Variants in SERPINB8 observed in about 807,000 individuals in gnomAD.
SERPINB8 encodes the protein serpin family B member 8.
SERPINB8 carries 25 observed loss-of-function variants against 35.3 expected under a neutral mutation model. The observed-to-expected ratio is 0.71, with a 90% CI of 0.52 to 0.99. SERPINB8 has a LOEUF of 0.99. SERPINB8 is among the 50% of genes least tolerant of loss of function. The pLI is 0.00. For missense variants in SERPINB8, 484 were observed against 446.5 expected, an observed-to-expected ratio of 1.08 and a Z score of -0.76; for synonymous variants, 186 against 160.8, an observed-to-expected ratio of 1.16 and a Z score of -1.19.
intron 4 of SERPINB8, 105 bp from the exon 5 acceptor site, chr18:63,983,474 C>T: frequency 3.7e-6 from 4 of 1,070,872 alleles, no homozygotes; most frequent in Non-Finnish European, 5.6e-6. Flanking sequence ...AGACAGAACT[C>T]CAGCCTGTCT....
intron 7 of SERPINB8, among the ~76,000 whole-genome samples, chr18:64,017,650 A>G (rs1568085078): frequency 6.6e-6 from 1 of 152,162 alleles, no homozygotes; most frequent in Non-Finnish European, 1.5e-5. Context: ...GAGATAATGG[A>G]CCCCAAATCA....
intron 1 of SERPINB8, among the ~76,000 whole-genome samples, chr18:63,994,646 G>T (rs1217905104): frequency 6.6e-6 from 1 of 152,154 alleles, no homozygotes; most frequent in Non-Finnish European, 1.5e-5. Flanking sequence ...GATCTGGCAG[G>T]TTTGGTACAC....
intron 5 of SERPINB8, among the ~76,000 whole-genome samples, chr18:63,984,371 A>G (rs942937232): frequency 1.3e-5 from 2 of 152,150 alleles, no homozygotes; most frequent in African/African-American, 2.4e-5. Flanking sequence ...CCTTTTTGCA[A>G]TATCAGTGGC....
At chr18:63,993,755 G>A (rs1191806614), downstream of SERPINB8, among the ~76,000 whole-genome samples, 1 of 152,210 alleles carries the variant, frequency 6.6e-6, no homozygotes, top group Non-Finnish European at 1.5e-5. Flanking sequence ...GCTGCATGGG[G>A]GAGGTGGGGG....
intron 1 of SERPINB8, among the ~76,000 whole-genome samples, chr18:63,999,253 C>A (rs1281055892): frequency 6.6e-6 from 1 of 152,174 alleles, no homozygotes; most frequent in Non-Finnish European, 1.5e-5. Flanking sequence ...GCCACTCACT[C>A]CTTGACCCCA....
chr18:63,979,490 C>A (rs183051905), intron 2 of SERPINB8, among the ~76,000 whole-genome samples: 6 of 152,150 alleles, frequency 3.9e-5, no homozygotes, highest in Admixed American at 3.9e-4. Flanking sequence ...GTGAATTTTT[C>A]CTTCCTGGGG....
chr18:64,002,672 C>A (rs2050881222), intron 1 of SERPINB8, among the ~76,000 whole-genome samples: 1 of 151,976 alleles, frequency 6.6e-6, no homozygotes, highest in African/African-American at 2.4e-5. Flanking sequence ...GCTCTTCCCG[C>A]GGCGGGGTGA....
intron 7 of SERPINB8, among the ~76,000 whole-genome samples, chr18:64,011,672 T>C (rs143470654): frequency 2.2e-4 from 34 of 152,278 alleles, no homozygotes; most frequent in African/African-American, 6.0e-4. Flanking sequence ...GTATTGTTAT[T>C]TGAAGTCGAA....
At chr18:64,010,049 A>T (rs765517260), downstream of SERPINB8, among the ~76,000 whole-genome samples, 6 of 152,154 alleles carry the variant, frequency 3.9e-5, no homozygotes, top group Non-Finnish European at 7.4e-5. Context: ...AAAGATAATT[A>T]TCTTAAATAT....
chr18:63,978,624 G>A, intron 2 of SERPINB8, 148 bp downstream of exon 2: 1 of 789,410 alleles, frequency 1.3e-6, no homozygotes, highest in Non-Finnish European at 2.0e-6. Context: ...AGCAGAAAGG[G>A]GTAGAAAGGT....
chr18:63,997,199 A>T (rs2050854051), intron 1 of SERPINB8, among the ~76,000 whole-genome samples: 1 of 152,246 alleles, frequency 6.6e-6, no homozygotes, highest in Non-Finnish European at 1.5e-5. Flanking sequence ...TTGTCCTGTT[A>T]TTGGGCCTAG....
intron 1 of SERPINB8, among the ~76,000 whole-genome samples, chr18:63,975,922 T>C (rs2050574776): frequency 6.6e-6 from 1 of 152,146 alleles, no homozygotes; most frequent in Admixed American, 6.5e-5. Context: ...AGACCCCCAC[T>C]AAGGGCATAC....
intron 1 of SERPINB8, among the ~76,000 whole-genome samples, chr18:63,972,521 G>T (rs1030233694): frequency 6.6e-6 from 1 of 151,902 alleles, no homozygotes; most frequent in Non-Finnish European, 1.5e-5. Context: ...AAGCTCTAGG[G>T]TAAAAGTGCA....
In SERPINB8 at chr18:63,971,695, C is replaced by T. The variant is rs79026537; in HGVS notation, c.-11+1525C>T. On this transcript the variant is annotated intron_variant, in intron 1 of 6. Transcript: ENST00000397985. ...CCAGCTCCCCAGCCTCTTTTCATAC[C>T]AAATACTGAGCCGGGTTATCTTTCT... 1.8e-4 allele frequency among the ~76,000 whole-genome samples: 28 copies of T among 152,302 alleles called. 1 individual carries two copies. The East Asian group carries it at 5.4e-3, about 29-fold the overall frequency.
intron 2 of SERPINB8, among the ~76,000 whole-genome samples, chr18:63,979,021 A>G (rs148459582): frequency 6.6e-6 from 1 of 152,328 alleles, no homozygotes; most frequent in African/African-American, 2.4e-5. Context: ...GGTGTGGGAT[A>G]ATGCTTTAGG....
chr18:63,986,334 T>G (rs891175705), intron 6 of SERPINB8: 3 of 1,602,342 alleles, frequency 1.9e-6, no homozygotes, highest in African/African-American at 2.7e-5. Flanking sequence ...TGATGAAGTC[T>G]TCTTGCATTC....
At chr18:64,008,206 A>G (rs1381578700), downstream of SERPINB8, among the ~76,000 whole-genome samples, 1 of 152,140 alleles carries the variant, frequency 6.6e-6, no homozygotes, top group African/African-American at 2.4e-5. Flanking sequence ...ATTCAGGAGA[A>G]AAATTCTTAA....
At chr18:64,017,983 C>A (rs1159618782) in intron 7 of SERPINB8, among the ~76,000 whole-genome samples, 3 of 152,170 alleles carry the variant, frequency 2.0e-5, no homozygotes, top group Non-Finnish European at 4.4e-5. Flanking sequence ...GTCACAATCA[C>A]AATTGTCCCA....
intron 1 of SERPINB8, among the ~76,000 whole-genome samples, chr18:63,976,252 T>A (rs1284659044): frequency 6.6e-6 from 1 of 152,202 alleles, no homozygotes; most frequent in African/African-American, 2.4e-5. Context: ...ACAAAAAGGC[T>A]GAGGGAAATT....
Sources: gnomAD v4.1 joint callset for allele counts (sites outside exome capture counted in the v4.1 genomes callset) on GRCh38, gnomAD v4.1.1 for gene constraint, MANE v1.5 for transcripts, NCBI Gene and HGNC (gene_info 2026-07-23, HGNC 2026-07-21) for gene names.